The following ANGPT1 variants were observed in gnomAD, a reference collection of about 807,000 sequenced individuals.
ANGPT1 encodes angiopoietin 1, also known as angiopoietin-1.
ANGPT1 carries 17 observed loss-of-function variants against 62.2 expected under a neutral mutation model. The ratio of observed to expected loss-of-function variants is 0.27; its 90% CI spans 0.19 to 0.41. The LOEUF (loss-of-function observed/expected upper bound fraction) is 0.41, where lower values mean the gene tolerates loss of function less well. ANGPT1 is among the 10% of genes least tolerant of loss of function. The pLI, the probability that ANGPT1 is intolerant of heterozygous loss-of-function variation, is 1.00. For missense variants in ANGPT1, 478 were observed against 594.9 expected (o/e 0.80, Z 2.04); for synonymous variants, 199 against 198.9 (o/e 1.00, Z 0.00).
chr8:107,257,908 T>C (rs374577688), intron 8 of ANGPT1, among the ~76,000 whole-genome samples: 32 of 81,768 alleles, frequency 3.9e-4, no homozygotes, highest in African/African-American at 1.3e-3. Context: ...TGTTTGTTTG[T>C]TTTTGACTGT....
rs138128903 is a variant in ANGPT1, at chr8:107,424,246, A to G, written c.297+73016T>C. ...GGCTTCAAAATGCTAAATCTGAATC[A>G]AGTCATTTTGGAGGCCAAGCAGACA... On this transcript the variant is annotated intron_variant, in intron 1 of 8. Transcript: ENST00000517746. 7.2e-3 allele frequency among the ~76,000 whole-genome samples: 1,093 copies of G among 152,280 alleles called. 18 individuals are homozygous for G. Among genetic ancestry groups the G allele is most frequent in the African/African-American group, 0.025 (1,052 of 41,552 alleles).
intron 1 of ANGPT1, among the ~76,000 whole-genome samples, chr8:107,359,021 C>T (rs2130196767): frequency 6.6e-6 from 1 of 152,184 alleles, no homozygotes; most frequent in South Asian, 2.1e-4. Flanking sequence ...CTGTCTGGTA[C>T]ACTTTCATGA....
chr8:107,385,164 G>T (rs767574044), intron 1 of ANGPT1, among the ~76,000 whole-genome samples: 1 of 152,028 alleles, frequency 6.6e-6, no homozygotes, highest in Non-Finnish European at 1.5e-5. Context: ...CCAGTTCCAT[G>T]AAAAATGTCC....
chr8:107,324,870 C>T (rs1815249381), intron 3 of ANGPT1, among the ~76,000 whole-genome samples: 1 of 152,152 alleles, frequency 6.6e-6, no homozygotes, highest in African/African-American at 2.4e-5. Context: ...TGCTTTCATT[C>T]TACCAATACC....
intron 1 of ANGPT1, among the ~76,000 whole-genome samples, chr8:107,380,509 T>C (rs1005929742): frequency 3.9e-5 from 6 of 152,084 alleles, no homozygotes; most frequent in African/African-American, 1.2e-4. Flanking sequence ...GATTTTTTTT[T>C]CCCTGACCTT....
At chr8:107,329,555 C>T (rs1053356471) in intron 3 of ANGPT1, among the ~76,000 whole-genome samples, 2 of 151,988 alleles carry the variant, frequency 1.3e-5, no homozygotes, top group African/African-American at 4.8e-5. Flanking sequence ...TAAACACGAT[C>T]TCTATTTTAT....
intron 1 of ANGPT1, among the ~76,000 whole-genome samples, chr8:107,389,964 AGC>A (rs58521238): frequency 0.3 from 45,760 of 151,280 alleles, 8,002 homozygotes; most frequent in East Asian, 0.58. Flanking sequence ...TGCTGCAGTA[AGC>A]TCTTTGAGAG....
intron 8 of ANGPT1, 43 bp downstream of exon 8, chr8:107,264,178 A>G: frequency 6.3e-7 from 1 of 1,585,216 alleles, no homozygotes; most frequent in Non-Finnish European, 8.6e-7. Flanking sequence ...TTAAGCCCCA[A>G]ACCAATGAAA....
intron 1 of ANGPT1, among the ~76,000 whole-genome samples, chr8:107,349,338 A>G (rs1815883745): frequency 6.6e-6 from 1 of 152,024 alleles, no homozygotes; most frequent in South Asian, 2.1e-4. Context: ...TTCCCCTTCA[A>G]TCACATTGAT....
intron 1 of ANGPT1, among the ~76,000 whole-genome samples, chr8:107,454,807 T>C (rs1260448997): frequency 6.6e-6 from 1 of 152,070 alleles, no homozygotes; most frequent in African/African-American, 2.4e-5. Flanking sequence ...CATATACATA[T>C]ACCTACTCCA....
intron 2 of ANGPT1, among the ~76,000 whole-genome samples, chr8:107,337,105 T>A (rs1481892927): frequency 6.6e-6 from 1 of 152,158 alleles, no homozygotes; most frequent in Non-Finnish European, 1.5e-5. Flanking sequence ...GGAGAAATTG[T>A]TATCATCACT....
chr8:107,410,014 G>T (rs1473236442), intron 1 of ANGPT1, among the ~76,000 whole-genome samples: 1 of 151,984 alleles, frequency 6.6e-6, no homozygotes, highest in East Asian at 1.9e-4. Flanking sequence ...TGAGCCAGAT[G>T]CTGTGCTAAG....
At chr8:107,360,481 T>A (rs1816139492) in intron 1 of ANGPT1, among the ~76,000 whole-genome samples, 1 of 152,220 alleles carries the variant, frequency 6.6e-6, no homozygotes, top group African/African-American at 2.4e-5. Context: ...CAGCCCCATG[T>A]TCTTGGTTAG....
chr8:107,252,615 TAGAA>T (rs1813271930), intron 8 of ANGPT1, among the ~76,000 whole-genome samples: 1 of 152,106 alleles, frequency 6.6e-6, no homozygotes, highest in Non-Finnish European at 1.5e-5. Flanking sequence ...TTTATAACAG[TAGAA>T]AAAGTGTTCA....
At chr8:107,357,327 C>T (rs187194585) in intron 1 of ANGPT1, among the ~76,000 whole-genome samples, 141 of 152,172 alleles carry the variant, frequency 9.3e-4, no homozygotes, top group Middle Eastern at 3.4e-3. Flanking sequence ...GTTTTTATAA[C>T]AATAAAAGGG....
At chr8:107,330,194 C>T (rs1241535295) in intron 3 of ANGPT1, among the ~76,000 whole-genome samples, 1 of 152,182 alleles carries the variant, frequency 6.6e-6, no homozygotes, top group African/African-American at 2.4e-5. Context: ...AGGCACTGTT[C>T]TCAGTGATTT....
chr8:107,494,514 C>T lies in ANGPT1; in HGVS notation c.297+2748G>A, dbSNP rs963784447. 7 of 152,222 alleles carry T rather than the reference C, an allele frequency of 4.6e-5. No homozygotes were observed. The South Asian group carries it at 1.5e-3, about 32-fold the overall frequency. The allele number at this position is 152,222 out of a possible 1,614,324, so 9.4% of individuals were successfully genotyped here. On this transcript the variant is annotated intron_variant, in intron 1 of 8. Coordinates refer to ENST00000517746, the MANE Select transcript of ANGPT1 (RefSeq NM_001146.5). ...AAACTATGATGTTAGGCATATTATT[C>T]ACACCACCCTTCCTGGTCTGAGATG...
At chr8:107,315,462 T>C (rs1814991788) in intron 4 of ANGPT1, among the ~76,000 whole-genome samples, 1 of 152,160 alleles carries the variant, frequency 6.6e-6, no homozygotes, top group Non-Finnish European at 1.5e-5. Context: ...CTCTGAGATA[T>C]GCAACTGAGC....
At chr8:107,401,349 A>G (rs1817044830) in intron 1 of ANGPT1, among the ~76,000 whole-genome samples, 1 of 152,144 alleles carries the variant, frequency 6.6e-6, no homozygotes, top group Non-Finnish European at 1.5e-5. Flanking sequence ...ACATTCAGAT[A>G]CAACTTCTTT....
Sources: gnomAD v4.1 joint callset for allele counts (sites outside exome capture counted in the v4.1 genomes callset) on GRCh38, gnomAD v4.1.1 for gene constraint, MANE v1.5 for transcripts, NCBI Gene and HGNC (gene_info 2026-07-23, HGNC 2026-07-21) for gene names.